Variants in CBX5 observed in about 807,000 individuals in gnomAD.
The protein encoded by CBX5 is chromobox 5.
A neutral mutation model predicts 20.7 loss-of-function variants in CBX5; 7 were observed. The ratio of observed to expected loss-of-function variants is 0.34; its 90% CI spans 0.19 to 0.63. CBX5 has a LOEUF of 0.63. CBX5 is among the 30% of genes least tolerant of loss of function. The pLI, the probability that CBX5 is intolerant of heterozygous loss-of-function variation, is 0.75. For missense variants in CBX5, 110 were observed against 224.1 expected (o/e 0.49, Z 3.25); for synonymous variants, 78 against 77.0 (o/e 1.01, Z -0.07).
At chr12:54,266,039 T>C (rs1052225062) in intron 1 of CBX5, among the ~76,000 whole-genome samples, 1 of 148,058 alleles carries the variant, frequency 6.8e-6, no homozygotes, top group Non-Finnish European at 1.5e-5. Flanking sequence ...AGAGGCAGAC[T>C]CTGTCTTAAA....
intron 3 of CBX5, among the ~76,000 whole-genome samples, chr12:54,251,469 A>C (rs1025932060): frequency 3.3e-5 from 5 of 149,332 alleles, no homozygotes; most frequent in African/African-American, 1.2e-4. Flanking sequence ...CAGTGAGCCA[A>C]GATAGTGCCA....
intron 1 of CBX5, among the ~76,000 whole-genome samples, chr12:54,264,270 C>A (rs2137026405): frequency 6.6e-6 from 1 of 152,214 alleles, no homozygotes; most frequent in East Asian, 1.9e-4. Context: ...ATCCTCTCAC[C>A]TTGGCCTTCT....
At chr12:54,258,524 A>G (rs1425072931) in intron 1 of CBX5, 1 of 152,242 alleles carries the variant, frequency 6.6e-6, no homozygotes, top group East Asian at 1.9e-4. Context: ...CCCCAGACTC[A>G]GCATCAACAT....
chr12:54,255,355 C>T (rs1211234518), intron 2 of CBX5, among the ~76,000 whole-genome samples: 1 of 151,838 alleles, frequency 6.6e-6, no homozygotes, highest in Non-Finnish European at 1.5e-5. Context: ...GTCAGGAGTT[C>T]GAGACCAGCC....
At chr12:54,274,507 C>A (rs911987461) in intron 1 of CBX5, among the ~76,000 whole-genome samples, 1 of 152,016 alleles carries the variant, frequency 6.6e-6, no homozygotes, top group East Asian at 1.9e-4. Context: ...CAGCTTTAGG[C>A]CCAGTTTCAT....
intron 1 of CBX5, among the ~76,000 whole-genome samples, chr12:54,279,686 T>C (rs1033708112): frequency 5.9e-5 from 9 of 152,280 alleles, no homozygotes; most frequent in African/African-American, 1.2e-4. Context: ...GCGCGCTTCC[T>C]GCTCACTGGC....
rs1057462233 is a variant in CBX5, at chr12:54,241,964, C to T, written c.426-59G>A. ...GGAAGAGTGAAAGAATCTGTCCAGA[C>T]ATACGTTTATGTCATTATATGGATT... On this transcript the variant is annotated intron_variant, in intron 4 of 4. Coordinates refer to ENST00000209875, the MANE Select transcript of CBX5 (RefSeq NM_012117.3). 5.2e-6 allele frequency: 8 copies of T among 1,526,730 alleles called. No homozygotes were observed. The African/African-American group carries it at 1.1e-4, about 21-fold the overall frequency. The allele number at this position is 1,526,730 out of a possible 1,614,324, so 94.6% of individuals were successfully genotyped here.
chr12:54,264,514 A>G lies in CBX5; in HGVS notation c.-42-6822T>C, dbSNP rs141137583. On this transcript the variant is annotated intron_variant, in intron 1 of 4. Coordinates refer to ENST00000209875, the MANE Select transcript of CBX5 (RefSeq NM_012117.3). ...ACCACTTATGAGCAAAAGTACACATAATTCTAGATCTTTCACTAAGCTTTC... is the reference window on the plus strand; with the variant it reads ...ACCACTTATGAGCAAAAGTACACATGATTCTAGATCTTTCACTAAGCTTTC... Among the ~76,000 whole-genome samples, 8 of 152,280 alleles carry G rather than the reference A, an allele frequency of 5.3e-5. No individual in the cohort carries two copies. The East Asian group carries it at 1.5e-3, about 29-fold the overall frequency.
In CBX5 at chr12:54,241,788, C is replaced by A. The variant is rs143171693; in HGVS notation, c.543G>T (p.Ala181=). 290 of 1,612,272 alleles carry A rather than the reference C, an allele frequency of 1.8e-4. No homozygotes were observed. Among genetic ancestry groups the A allele is most frequent in the Non-Finnish European group, 2.4e-4 (278 of 1,179,670 alleles). Residue 181 remains alanine (A), a synonymous_variant, in exon 5 of 5, where the codon GCG becomes GCT. Coordinates refer to ENST00000209875, the MANE Select transcript of CBX5 (RefSeq NM_012117.3). ...RLTWHAYPED[A]ENKEKETAKS ...TTGCTGTTTCTTTCTCTTTGTTTTC[C>A]GCATCCTCAGGATATGCATGCCATG...
In CBX5 at chr12:54,234,626, A is replaced by G. The variant is rs898315161; in HGVS notation, c.*7129T>C. 1.3e-5 allele frequency: 2 copies of G among 152,246 alleles called. No homozygotes were observed. Among genetic ancestry groups the G allele is most frequent in the Non-Finnish European group, 2.9e-5 (2 of 68,054 alleles). The allele number at this position is 152,246 out of a possible 1,614,324, so 9.4% of individuals were successfully genotyped here. A position where few individuals can be genotyped will look rare whatever the true frequency, so the allele number is the denominator to read the frequency against. ...GATCTATTGTGACATTAATGATCAC[A>G]ATCAGTTGACTTTGAAATTGTCTTA... is the stretch of plus-strand genomic sequence containing the variant. On this transcript the variant is annotated 3_prime_UTR_variant, in exon 5 of 5. Coordinates refer to ENST00000209875, the MANE Select transcript of CBX5 (RefSeq NM_012117.3).
chr12:54,242,774 A>C (rs1470784751), intron 4 of CBX5, among the ~76,000 whole-genome samples: 1 of 152,160 alleles, frequency 6.6e-6, no homozygotes, highest in Non-Finnish European at 1.5e-5. Flanking sequence ...AACAAAAAAA[A>C]ATCTAGCTAC....
chr12:54,277,086 G>A (rs1944076971), intron 1 of CBX5: 1 of 152,190 alleles, frequency 6.6e-6, no homozygotes. Context: ...AGACTGGGGT[G>A]CAGTGGCATC....
rs1056162 is a variant in CBX5, at chr12:54,231,040, G to A, written c.*10715C>T. 6.6e-6 allele frequency: 1 copy of A among 152,164 alleles called. No individual in the cohort carries two copies. The highest frequency in any genetic ancestry group is 2.4e-5 in the African/African-American group (1 of 41,422). The allele number at this position is 152,164 out of a possible 1,614,324, so 9.4% of individuals were successfully genotyped here. ...GGGGGAGAGAATGAGGTCTGCATCAGATGTCAGTTATGGAAACACATAAAT... is the reference window on the plus strand; with the variant it reads ...GGGGGAGAGAATGAGGTCTGCATCAAATGTCAGTTATGGAAACACATAAAT... On this transcript the variant is annotated 3_prime_UTR_variant, in exon 5 of 5. Transcript: ENST00000209875.
intron 3 of CBX5, among the ~76,000 whole-genome samples, chr12:54,250,218 C>T (rs1249579149): frequency 3.3e-5 from 5 of 151,276 alleles, no homozygotes; most frequent in Non-Finnish European, 2.9e-5. Context: ...AGTGAAACTC[C>T]GTCTCAAAAA....
chr12:54,270,902 A>C (rs1565874610), intron 1 of CBX5, among the ~76,000 whole-genome samples: 1 of 152,178 alleles, frequency 6.6e-6, no homozygotes. Context: ...AAAAGAAAAA[A>C]GGGTGGGTGG....
intron 1 of CBX5, among the ~76,000 whole-genome samples, chr12:54,279,303 CA>C (rs200904302): frequency 3.4e-5 from 5 of 149,186 alleles, no homozygotes; most frequent in South Asian, 4.4e-4. Flanking sequence ...AACAAACAAA[CA>C]AAAAAAAACA....
rs945059259 is a variant in CBX5 at position 54,235,905 on chromosome 12, C to T, written c.*5850G>A. 3.9e-5 allele frequency: 6 copies of T among 152,188 alleles called. No individual in the cohort carries two copies. The highest frequency in any genetic ancestry group is 7.3e-5 in the Non-Finnish European group (5 of 68,028). The allele number at this position is 152,188 out of a possible 1,614,324, so 9.4% of individuals were successfully genotyped here. Reference sequence around the variant, plus strand: ...GAATCTGCAACATAGTTAATGCTTTCCACAAGCAAAGATTAACTCTACCAC... The same window carrying T: ...GAATCTGCAACATAGTTAATGCTTTTCACAAGCAAAGATTAACTCTACCAC... On this transcript the variant is annotated 3_prime_UTR_variant, in exon 5 of 5. Coordinates refer to ENST00000209875, the MANE Select transcript of CBX5 (RefSeq NM_012117.3).
At chr12:54,276,675 A>G (rs922469693) in intron 1 of CBX5, 2 of 152,224 alleles carry the variant, frequency 1.3e-5, no homozygotes, top group Admixed American at 1.3e-4. Flanking sequence ...TTCCCCCAAA[A>G]CCCTGGGTCT....
chr12:54,252,026 G>T lies in CBX5; in HGVS notation c.324+15C>A. On this transcript the variant is annotated intron_variant, in intron 3 of 4. Transcript: ENST00000209875. ...CAAAAGAATAGTTTTTGGGGAAAAG[G>T]GAAAGGAAGCTTACCTCTCTCTTTT... 1 of 1,538,752 alleles carries T rather than the reference G, an allele frequency of 6.5e-7. No homozygotes were observed.
Sources: allele counts gnomAD v4.1 joint callset (sites outside exome capture counted in the v4.1 genomes callset), GRCh38; gene constraint gnomAD v4.1.1; transcripts MANE v1.5; gene names NCBI Gene and HGNC (gene_info 2026-07-23, HGNC 2026-07-21).